ERC1: variants seen among roughly 807,000 people sequenced by gnomAD.
The protein encoded by ERC1 is RAB6 interacting protein 2.
In ERC1, 56 loss-of-function variants were observed where a neutral mutation model predicts 132.0. The observed-to-expected ratio is 0.42, with a 90% CI of 0.34 to 0.53. The LOEUF is 0.53. Among genes scored for constraint, ERC1 ranks in the 20% least tolerant of loss-of-function variants. ERC1 has a pLI of 0.03. For missense variants in ERC1, 1,202 were observed against 1,349.9 expected, an observed-to-expected ratio of 0.89 and a Z score of 1.72; for synonymous variants, 478 against 476.1, an observed-to-expected ratio of 1.00 and a Z score of -0.05.
chr12:1,092,548 A>G (rs1943385717), intron 3 of ERC1, among the ~76,000 whole-genome samples: 2 of 152,324 alleles, frequency 1.3e-5, no homozygotes, highest in South Asian at 4.1e-4. Flanking sequence ...TATTCTGTGA[A>G]TCAGCATTGA....
At chr12:1,019,960 G>A (rs1329755585) in intron 1 of ERC1, among the ~76,000 whole-genome samples, 24 of 151,174 alleles carry the variant, frequency 1.6e-4, no homozygotes, top group Non-Finnish European at 2.7e-4. Flanking sequence ...TTGCCGTGTT[G>A]TCCAGGCTGG....
chr12:1,487,066 A>C (rs2094230384), intron 18 of ERC1, among the ~76,000 whole-genome samples: 1 of 152,192 alleles, frequency 6.6e-6, no homozygotes, highest in South Asian at 2.1e-4. Context: ...CTTTTCACTT[A>C]GCAGCATTCC....
intron 13 of ERC1, among the ~76,000 whole-genome samples, chr12:1,253,412 C>T (rs188353108): frequency 1.3e-5 from 2 of 152,216 alleles, no homozygotes; most frequent in East Asian, 3.9e-4. Context: ...TGTGGTGGCT[C>T]ACACCTGTAA....
chr12:1,435,780 A>G (rs958198768), intron 17 of ERC1, among the ~76,000 whole-genome samples: 1 of 152,236 alleles, frequency 6.6e-6, no homozygotes, highest in Non-Finnish European at 1.5e-5. Context: ...CGATGTTAGC[A>G]TTAAAGATCA....
At chr12:1,018,209 T>G (rs1343289350) in intron 1 of ERC1, among the ~76,000 whole-genome samples, 1 of 152,128 alleles carries the variant, frequency 6.6e-6, no homozygotes, top group Non-Finnish European at 1.5e-5. Flanking sequence ...TTTGTTTTAT[T>G]TATTTATTTT....
chr12:1,357,364 T>A (rs1341404403), intron 15 of ERC1, among the ~76,000 whole-genome samples: 1 of 152,242 alleles, frequency 6.6e-6, no homozygotes, highest in Non-Finnish European at 1.5e-5. Context: ...ACAGCTGGTA[T>A]GGACATGCTA....
chr12:1,162,942 T>C (rs1446877798), intron 8 of ERC1, among the ~76,000 whole-genome samples: 1 of 152,204 alleles, frequency 6.6e-6, no homozygotes, highest in African/African-American at 2.4e-5. Context: ...TTTGCAGTTC[T>C]TTGTTGATGG....
chr12:1,339,868 G>A (rs2083664712), intron 15 of ERC1, among the ~76,000 whole-genome samples: 1 of 152,170 alleles, frequency 6.6e-6, no homozygotes, highest in Admixed American at 6.5e-5. Flanking sequence ...GGCTGGTTCT[G>A]TGCTCACCAA....
At chr12:1,199,493 A>T (rs970543667) in intron 12 of ERC1, among the ~76,000 whole-genome samples, 2 of 152,176 alleles carry the variant, frequency 1.3e-5, no homozygotes, top group African/African-American at 2.4e-5. Context: ...TGTTATGGCC[A>T]GGCACGGTGG....
chr12:1,084,743 G>C (rs1203783991), intron 3 of ERC1, among the ~76,000 whole-genome samples: 1 of 151,830 alleles, frequency 6.6e-6, no homozygotes, highest in Non-Finnish European at 1.5e-5. Flanking sequence ...TCAGGCTGGA[G>C]TGCAGTGGCA....
chr12:1,317,168 G>GAAAAAAAA (rs139637325), intron 15 of ERC1, among the ~76,000 whole-genome samples: 4 of 107,652 alleles, frequency 3.7e-5, no homozygotes, highest in Non-Finnish European at 2.0e-5. Flanking sequence ...TCTCAAAAAC[G>GAAAAAAAA]AAAAAAAAAA....
At chr12:1,051,283 C>T (rs780281796) in intron 2 of ERC1, among the ~76,000 whole-genome samples, 32 of 151,968 alleles carry the variant, frequency 2.1e-4, no homozygotes, top group Admixed American at 1.1e-3. Flanking sequence ...CTAAGGTAAT[C>T]GTAATGTATA....
At chr12:1,451,165 G>A (rs1159529890) in intron 18 of ERC1, among the ~76,000 whole-genome samples, 3 of 151,984 alleles carry the variant, frequency 2.0e-5, no homozygotes, top group Non-Finnish European at 4.4e-5. Flanking sequence ...TTTATTTTCA[G>A]GAAGTCCCAT....
At chr12:1,141,306 T>C (rs1949842604) in intron 7 of ERC1, among the ~76,000 whole-genome samples, 2 of 152,190 alleles carry the variant, frequency 1.3e-5, no homozygotes, top group Admixed American at 1.3e-4. Flanking sequence ...TCTAAAGCAA[T>C]GTAGCTTCAC....
chr12:1,250,620 T>C lies in ERC1; in HGVS notation c.2488-12414T>C, dbSNP rs115778171. ...TTCCATTCAGCATCCTAATAAATAT[T>C]CTCTAAAATTCTGTAGGCTATCCTT... On this transcript the variant is annotated intron_variant, in intron 13 of 18. Coordinates refer to ENST00000360905, the MANE Select transcript of ERC1 (RefSeq NM_178040.4). Among the ~76,000 whole-genome samples the C allele has an allele frequency of 4.6e-3, 695 of 152,326 alleles. 5 individuals carry two copies. Among genetic ancestry groups the C allele is most frequent in the African/African-American group, 0.016 (653 of 41,574 alleles).
chr12:1,059,193 C>T (rs1973566169), intron 2 of ERC1, among the ~76,000 whole-genome samples: 1 of 152,126 alleles, frequency 6.6e-6, no homozygotes, highest in Non-Finnish European at 1.5e-5. Context: ...TTTTATCCTG[C>T]AACTTTAGTG....
At chr12:1,489,300 C>T (rs550266031) in intron 18 of ERC1, among the ~76,000 whole-genome samples, 9 of 152,328 alleles carry the variant, frequency 5.9e-5, no homozygotes, top group African/African-American at 1.9e-4. Flanking sequence ...CCAGACCCCA[C>T]GCCTCTTTAG....
intron 2 of ERC1, among the ~76,000 whole-genome samples, chr12:1,067,114 T>A (rs1939358910): frequency 6.6e-6 from 1 of 152,156 alleles, no homozygotes. Context: ...GGCCAAAACA[T>A]AAGTTTTATG....
intron 15 of ERC1, among the ~76,000 whole-genome samples, chr12:1,346,998 T>A (rs903887221): frequency 2.0e-5 from 3 of 151,728 alleles, no homozygotes; most frequent in African/African-American, 4.8e-5. Context: ...TTGGGTTTTG[T>A]TTGTTTTGAT....
Sources: allele counts gnomAD v4.1 joint callset (sites outside exome capture counted in the v4.1 genomes callset), GRCh38; gene constraint gnomAD v4.1.1; transcripts MANE v1.5; gene names NCBI Gene and HGNC (gene_info 2026-07-23, HGNC 2026-07-21).